Variants in HOPX observed in about 807,000 individuals in gnomAD.
HOPX encodes HOP homeobox, also known as homeodomain-only protein.
Under a neutral mutation model 11.8 loss-of-function variants are expected in HOPX, and 5 were observed. The ratio of observed to expected loss-of-function variants is 0.43; its 90% CI spans 0.22 to 0.89. The LOEUF (loss-of-function observed/expected upper bound fraction) is 0.89, where lower values mean the gene tolerates loss of function less well. Ranked by LOEUF, HOPX falls within the 40% of genes least tolerant of loss-of-function variation. The pLI, the probability that HOPX is intolerant of heterozygous loss-of-function variation, is 0.28. For synonymous variants in HOPX, 49 were observed against 49.7 expected, an observed-to-expected ratio of 0.99 and a Z score of 0.06; for missense variants, 119 against 120.0, an observed-to-expected ratio of 0.99 and a Z score of 0.04.
intron 3 of HOPX, among the ~76,000 whole-genome samples, chr4:56,651,781 T>TA (rs1249687878): frequency 6.6e-6 from 1 of 151,484 alleles, no homozygotes; most frequent in Non-Finnish European, 1.5e-5. Flanking sequence ...CAAGAGGAGA[T>TA]AAAAATACTT....
chr4:56,670,795 G>A (rs1009998419), intron 1 of HOPX, among the ~76,000 whole-genome samples: 5 of 152,202 alleles, frequency 3.3e-5, no homozygotes, highest in African/African-American at 9.6e-5. Flanking sequence ...TCAGGAGTTC[G>A]AGACCAGCCT....
chr4:56,651,767 A>T (rs1299245732), intron 3 of HOPX, among the ~76,000 whole-genome samples: 2 of 152,146 alleles, frequency 1.3e-5, no homozygotes, highest in Non-Finnish European at 2.9e-5. Flanking sequence ...CAAGCTCAGG[A>T]CATCAAGAGG....
chr4:56,649,071 G>A (rs1331335306), intron 3 of HOPX: 1 of 306,430 alleles, frequency 3.3e-6, no homozygotes, highest in Non-Finnish European at 6.1e-6. Flanking sequence ...TCTCAATGAA[G>A]CCTTCCCTGA....
Position 56,657,874 on chromosome 4 carries a change from T to C in HOPX, c.-58A>G, listed in dbSNP as rs1717864561. ...GGTGACCTGTGCTCCGCTAGACCCT[T>C]CTCAGTGGGGCAGTCTGTCATTAGT... On this transcript the variant is annotated 5_prime_UTR_variant, in exon 2 of 4. Transcript: ENST00000420433. 6.4e-7 allele frequency: 1 copy of C among 1,551,380 alleles called. No homozygotes were observed. The highest frequency in any genetic ancestry group is 8.7e-7 in the Non-Finnish European group (1 of 1,146,802).
At chr4:56,680,870 T>C (rs1719290740) in intron 1 of HOPX, 2 of 210,058 alleles carry the variant, frequency 9.5e-6, no homozygotes, top group South Asian at 1.7e-4. Context: ...TGATTTTAGA[T>C]AAAAGTCTGG....
Position 56,648,712 on chromosome 4 carries a change from C to A in HOPX, c.*8G>T, listed in dbSNP as rs749592119. The A allele has an allele frequency of 1.1e-5, 18 of 1,583,432 alleles. No homozygotes were observed. The highest frequency in any genetic ancestry group is 1.6e-5 in the Non-Finnish European group (18 of 1,156,164). ...CATGGAGTGAAGCTGTCAATGCCTGCCATCTCCTTAGTCTGTGACGGATCT... is the reference window on the plus strand; with the variant it reads ...CATGGAGTGAAGCTGTCAATGCCTGACATCTCCTTAGTCTGTGACGGATCT... On this transcript the variant is annotated 3_prime_UTR_variant, in exon 4 of 4. Coordinates refer to ENST00000420433, the MANE Select transcript of HOPX (RefSeq NM_032495.6).
At chr4:56,667,048 A>C (rs1163525357) in intron 1 of HOPX, among the ~76,000 whole-genome samples, 1 of 152,240 alleles carries the variant, frequency 6.6e-6, no homozygotes, top group African/African-American at 2.4e-5. Flanking sequence ...GATATTGAAG[A>C]GGGTTTCAAG....
chr4:56,675,555 G>A (rs2109551077), intron 1 of HOPX, among the ~76,000 whole-genome samples: 1 of 151,776 alleles, frequency 6.6e-6, no homozygotes, highest in East Asian at 1.9e-4. Context: ...GCTCAGCCTG[G>A]AGTTCTGGGG....
chr4:56,668,389 C>T (rs1308220844), intron 1 of HOPX, among the ~76,000 whole-genome samples: 2 of 152,246 alleles, frequency 1.3e-5, no homozygotes, highest in South Asian at 2.1e-4. Context: ...TTCTTCTCCT[C>T]ATCCTTCTAC....
At position 56,658,661 on chromosome 4, in the gene HOPX, T is replaced by C. The variant is rs557674924; in HGVS notation, c.-83-762A>G. Among the ~76,000 whole-genome samples the C allele has an allele frequency of 3.0e-4, 46 of 152,366 alleles. 1 individual carries two copies. The highest frequency in any genetic ancestry group is 9.6e-4 in the African/African-American group (40 of 41,596). On this transcript the variant is annotated intron_variant, in intron 1 of 3. Transcript: ENST00000420433. The stretch of plus-strand genomic sequence containing the variant: ...AACTGCCTGGGTAACCTTGGCCTTA[T>C]AAAGCTTTTCAACTATTTCCAGTAA...
At chr4:56,669,660 AAATAATAATAATAAT>A (rs148353976) in intron 1 of HOPX, among the ~76,000 whole-genome samples, 58,379 of 146,396 alleles carry the variant, frequency 0.4, 11,982 homozygotes, top group Non-Finnish European at 0.44. Flanking sequence ...CTCTGTCTCA[AAATAATAATAATAAT>A]AATAATAATA....
intron 1 of HOPX, among the ~76,000 whole-genome samples, chr4:56,674,954 A>C (rs1468661475): frequency 6.6e-6 from 1 of 151,166 alleles, no homozygotes; most frequent in Non-Finnish European, 1.5e-5. Context: ...ATGAGGCTCA[A>C]ACAATCCTCC....
At chr4:56,671,438 A>G (rs1216526202) in intron 1 of HOPX, among the ~76,000 whole-genome samples, 1 of 152,042 alleles carries the variant, frequency 6.6e-6, no homozygotes, top group African/African-American at 2.4e-5. Flanking sequence ...ATATTAATAG[A>G]TTATTATTTT....
chr4:56,655,997 A>C lies in HOPX; in HGVS notation c.58T>G (p.Ser20Ala). 1 of 1,603,424 alleles carries C rather than the reference A, an allele frequency of 6.2e-7. No individual in the cohort carries two copies. The highest frequency in any genetic ancestry group is 8.5e-7 in the Non-Finnish European group (1 of 1,175,552). The stretch of plus-strand genomic sequence containing the variant: ...GTGGGGCCGCTCGCGGTCTCCGCCG[A>C]CATGGTCCCTGCGCGCTGCGGGGCA... ...RRLEERAGTMSAETASGPTED... is the reference protein window; with the variant it reads ...RRLEERAGTMAAETASGPTED... The change falls in exon 3 of 4, where the codon TCG becomes GCG. Residue 20 changes from serine (S) to alanine (A), a missense_variant. Ser to Ala is a moderately conservative substitution (Grantham distance 99). Coordinates refer to ENST00000420433, the MANE Select transcript of HOPX (RefSeq NM_032495.6).
intron 3 of HOPX, among the ~76,000 whole-genome samples, chr4:56,651,872 G>GTGTGTT (rs777414485): frequency 0.044 from 5,141 of 115,652 alleles, 140 homozygotes; most frequent in African/African-American, 0.093. Flanking sequence ...GAGAGAGAGA[G>GTGTGTT]AGTGTGTGTG....
At chr4:56,681,229 A>C in intron 1 of HOPX, 26 bp downstream of exon 1, 1 of 984,700 alleles carries the variant, frequency 1.0e-6, no homozygotes, top group Non-Finnish European at 1.2e-6. Flanking sequence ...CTCTGCATAA[A>C]AGGCAGACCT....
intron 1 of HOPX, among the ~76,000 whole-genome samples, chr4:56,671,735 G>C (rs1042694183): frequency 1.3e-5 from 2 of 152,078 alleles, no homozygotes; most frequent in Admixed American, 6.6e-5. Context: ...CAGCTCAGGG[G>C]ACAGCTTTGA....
intron 3 of HOPX, among the ~76,000 whole-genome samples, chr4:56,654,300 G>A (rs369189156): frequency 3.9e-5 from 6 of 152,242 alleles, no homozygotes; most frequent in African/African-American, 1.2e-4. Flanking sequence ...AAAGGTCAAC[G>A]TAATTATGCT....
intron 3 of HOPX, chr4:56,650,936 G>T: frequency 1.1e-6 from 1 of 949,706 alleles, no homozygotes; most frequent in Non-Finnish European, 1.5e-6. Flanking sequence ...ATTCTGGTAT[G>T]AGAGCAGCAA....
Sources: gnomAD v4.1 joint callset for allele counts (sites outside exome capture counted in the v4.1 genomes callset) on GRCh38, gnomAD v4.1.1 for gene constraint, MANE v1.5 for transcripts, NCBI Gene and HGNC (gene_info 2026-07-23, HGNC 2026-07-21) for gene names.